The following TATDN2 variants were observed in gnomAD, a reference collection of about 807,000 sequenced individuals.
The protein encoded by TATDN2 is 3'-5' RNA nuclease TATDN2.
A neutral mutation model predicts 60.3 loss-of-function variants in TATDN2; 44 were observed. The ratio of observed to expected loss-of-function variants is 0.73; its 90% CI spans 0.57 to 0.94. The LOEUF (loss-of-function observed/expected upper bound fraction) is 0.94. Ranked by LOEUF, TATDN2 falls within the 40% of genes least tolerant of loss-of-function variation. TATDN2 has a pLI of 0.00. For missense variants in TATDN2, 997 were observed against 948.0 expected (o/e 1.05, Z -0.68); for synonymous variants, 399 against 355.8 (o/e 1.12, Z -1.37).
intron 3 of TATDN2, among the ~76,000 whole-genome samples, chr3:10,267,308 A>G (rs890397605): frequency 6.6e-6 from 1 of 151,704 alleles, no homozygotes; most frequent in African/African-American, 2.4e-5. Context: ...TTCTTGGCCA[A>G]CTTGACTCTA....
chr3:10,274,056 A>G (rs1355276911), intron 4 of TATDN2, among the ~76,000 whole-genome samples: 3 of 152,262 alleles, frequency 2.0e-5, no homozygotes, highest in Non-Finnish European at 4.4e-5. Context: ...ATAATGGATC[A>G]GTTAGGAAGC....
chr3:10,267,764 C>A (rs1472229239), intron 3 of TATDN2, among the ~76,000 whole-genome samples: 1 of 152,180 alleles, frequency 6.6e-6, no homozygotes, highest in Non-Finnish European at 1.5e-5. Flanking sequence ...CATAATGTGA[C>A]CACCTCCAAT....
At chr3:10,262,571 T>A (rs1386846934) in intron 3 of TATDN2, among the ~76,000 whole-genome samples, 1 of 146,650 alleles carries the variant, frequency 6.8e-6, no homozygotes, top group Non-Finnish European at 1.5e-5. Flanking sequence ...TCTCGTTCTG[T>A]CTTGCCCAGG....
chr3:10,265,681 C>CA (rs60093055), intron 3 of TATDN2, among the ~76,000 whole-genome samples: 1,684 of 60,954 alleles, frequency 0.028, 10 homozygotes, highest in South Asian at 0.036. Flanking sequence ...GACTCCGTCT[C>CA]AAAAAAAAAA....
Position 10,260,229 on chromosome 3 carries a change from G to A in TATDN2, c.507G>A (p.Lys169=), listed in dbSNP as rs201446008. The part of the protein sequence containing the change: ...GQNDTIEEPN[K]VQKRKRDRLR... ...ATGATACAATTGAGGAACCCAACAA[G>A]GTCCAGAAAAGGAAGAGGGATAGAC... Residue 169 remains lysine, a synonymous_variant, in exon 3 of 8, where the codon AAG becomes AAA. Coordinates refer to ENST00000448281, the MANE Select transcript of TATDN2 (RefSeq NM_014760.4). The A allele has an allele frequency of 1.1e-4, 175 of 1,614,116 alleles. No homozygotes were observed. The highest frequency in any genetic ancestry group is 1.5e-4 in the Admixed American group (9 of 60,014).
At chr3:10,271,971 C>T (rs750275087) in intron 4 of TATDN2, among the ~76,000 whole-genome samples, 1 of 152,082 alleles carries the variant, frequency 6.6e-6, no homozygotes, top group Non-Finnish European at 1.5e-5. Context: ...TCAAGTAATC[C>T]ACCTGCCTCG....
intron 3 of TATDN2, among the ~76,000 whole-genome samples, chr3:10,261,373 T>C (rs1436648544): frequency 6.6e-6 from 1 of 151,614 alleles, no homozygotes; most frequent in Non-Finnish European, 1.5e-5. Context: ...TTCTTTTTTT[T>C]TTTTTTTTTG....
chr3:10,257,462 C>G (rs71314394), intron 2 of TATDN2, among the ~76,000 whole-genome samples: 1 of 150,968 alleles, frequency 6.6e-6, no homozygotes, highest in Middle Eastern at 3.4e-3. Context: ...GAAACCCCGT[C>G]TACTAAAAAT....
At chr3:10,264,226 C>T (rs1559461941) in intron 3 of TATDN2, among the ~76,000 whole-genome samples, 1 of 152,178 alleles carries the variant, frequency 6.6e-6, no homozygotes, top group Admixed American at 6.5e-5. Context: ...TCCAGTTCCT[C>T]CAGTTCCCAA....
At chr3:10,267,074 C>T (rs950012805) in intron 3 of TATDN2, among the ~76,000 whole-genome samples, 2 of 152,086 alleles carry the variant, frequency 1.3e-5, no homozygotes, top group Middle Eastern at 3.4e-3. Context: ...CGTGCACAAC[C>T]GCATTTGGCT....
chr3:10,262,447 C>A (rs540804480), intron 3 of TATDN2, among the ~76,000 whole-genome samples: 1 of 150,912 alleles, frequency 6.6e-6, no homozygotes, highest in African/African-American at 2.4e-5. Flanking sequence ...ACCTTGATTA[C>A]AAGCTTGGTT....
Position 10,249,369 on chromosome 3 carries a change from G to C in TATDN2, c.169G>C (p.Ala57Pro). ...GCCCAGCAGCCCCAAGCGCCTGAAA[G>C]CCCAGAAGGAGGACGATGTGGCTTG... is the stretch of plus-strand genomic sequence containing the variant. ...GGPSSPKRLK[A>P]QKEDDVACSR... Residue 57 changes from alanine (A) to proline (P), a missense_variant, in exon 2 of 8, where the codon GCC becomes CCC. Coordinates refer to ENST00000448281, the MANE Select transcript of TATDN2 (RefSeq NM_014760.4). 6.2e-7 allele frequency: 1 copy of C among 1,613,058 alleles called. No individual in the cohort carries two copies. The highest frequency in any genetic ancestry group is 8.5e-7 in the Non-Finnish European group (1 of 1,179,388).
rs200667403 is a variant in TATDN2, at chr3:10,278,374, C to T, written c.2057C>T (p.Ser686Phe). The T allele has an allele frequency of 3.7e-6, 6 of 1,614,210 alleles. No homozygotes were observed. Among genetic ancestry groups the T allele is most frequent in the Non-Finnish European group, 5.1e-6 (6 of 1,180,034 alleles). ...VGFTAVLTYS[S>F]AWEAREALRQ... Reference sequence around the variant, plus strand: ...TTCACGGCAGTGCTGACATACTCCTCTGCCTGGGAGGCCCGGGAAGCCTTG... The same window carrying T: ...TTCACGGCAGTGCTGACATACTCCTTTGCCTGGGAGGCCCGGGAAGCCTTG... The change falls in exon 6 of 8, where the codon TCT (serine) becomes TTT (phenylalanine). Residue 686 changes from serine (S) to phenylalanine (F), a missense_variant. Physicochemically the swap from Ser to Phe is radical, Grantham distance 155. Coordinates refer to ENST00000448281, the MANE Select transcript of TATDN2 (RefSeq NM_014760.4). This position sits in a 1 kb window ranked among gnomAD's most constrained non-coding sequence, Gnocchi z 4.7.
chr3:10,270,308 A>C lies in TATDN2; in HGVS notation c.1126A>C (p.Ser376Arg), dbSNP rs769767163. 6.2e-7 allele frequency: 1 copy of C among 1,614,236 alleles called. No individual in the cohort carries two copies. Among genetic ancestry groups the C allele is most frequent in the Admixed American group, 1.7e-5 (1 of 60,030 alleles). The change falls in exon 4 of 8, where the codon AGT (serine) becomes CGT (arginine). Residue 376 changes from serine (S) to arginine (R), a missense_variant. By Grantham distance (110) the Ser-to-Arg change is moderately radical. Coordinates refer to ENST00000448281, the MANE Select transcript of TATDN2 (RefSeq NM_014760.4). Reference sequence around the variant, plus strand: ...TGTCATGTACCCTCCTCATTTGTACAGTAGTCCTTGGTGTGACTACGCCAG... The same window carrying C: ...TGTCATGTACCCTCCTCATTTGTACCGTAGTCCTTGGTGTGACTACGCCAG... Reference protein sequence around the residue: ...DYVMYPPHLYSSPWCDYASYW... With the variant: ...DYVMYPPHLYRSPWCDYASYW...
chr3:10,256,360 C>T (rs2125172648), intron 2 of TATDN2, among the ~76,000 whole-genome samples: 1 of 152,070 alleles, frequency 6.6e-6, no homozygotes, highest in Middle Eastern at 3.4e-3. Context: ...TTTTCTTGTA[C>T]AGATGGGGTC....
chr3:10,271,106 A>T, intron 4 of TATDN2, 91 bp downstream of exon 4: 1 of 1,465,476 alleles, frequency 6.8e-7, no homozygotes. Flanking sequence ...TTTTAGAAGT[A>T]AATAATTGAG....
In TATDN2 at chr3:10,280,903, T is replaced by G. The variant is rs1037970048; in HGVS notation, c.*1721T>G. ...AGCAAGCCCTGAAGTCAGTAGTGCC[T>G]GCAGGTGAAACCAACCAGCCCTGTG... On this transcript the variant is annotated 3_prime_UTR_variant, in exon 8 of 8. Transcript: ENST00000448281. 6.5e-6 allele frequency: 1 copy of G among 152,810 alleles called. No homozygotes were observed. The highest frequency in any genetic ancestry group is 2.4e-5 in the African/African-American group (1 of 41,452). The allele number at this position is 152,810 out of a possible 1,614,324, so 9.5% of individuals were successfully genotyped here.
chr3:10,258,360 C>T (rs1559460430), intron 2 of TATDN2, among the ~76,000 whole-genome samples: 1 of 152,058 alleles, frequency 6.6e-6, no homozygotes, highest in Non-Finnish European at 1.5e-5. Flanking sequence ...TTACTGCATC[C>T]TCCGCCTCCT....
Position 10,249,266 on chromosome 3 carries a change from G to A in TATDN2, c.66G>A (p.Lys22=), listed in dbSNP as rs774529438. The change falls in exon 2 of 8, where the codon AAG becomes AAA. Residue 22 remains lysine (K), a synonymous_variant. Coordinates refer to ENST00000448281, the MANE Select transcript of TATDN2 (RefSeq NM_014760.4). ...GCACGTCGGAAGGGTGTCCCCGCAA[G>A]CGCAGCTGCCTCCGGGAGCCCTGTG... is the stretch of plus-strand genomic sequence containing the variant. The part of the protein sequence containing the change: ...WSSTSEGCPR[K]RSCLREPCDV... The A allele has an allele frequency of 1.9e-6, 3 of 1,579,394 alleles. No homozygotes were observed. Among genetic ancestry groups the A allele is most frequent in the Non-Finnish European group, 2.6e-6 (3 of 1,161,526 alleles).
Sources: allele counts gnomAD v4.1 joint callset (sites outside exome capture counted in the v4.1 genomes callset), GRCh38; gene constraint gnomAD v4.1.1; non-coding constraint Gnocchi (gnomAD v3.1); transcripts MANE v1.5; gene names NCBI Gene and HGNC (gene_info 2026-07-23, HGNC 2026-07-21).